The following MSANTD2 variants were observed in gnomAD, a reference collection of about 807,000 sequenced individuals.
MSANTD2 encodes the protein myb/SANT-like DNA-binding domain-containing protein 2.
In MSANTD2, 19 loss-of-function variants were observed where a neutral mutation model predicts 52.6. The observed-to-expected ratio is 0.36, with a 90% confidence interval of 0.25 to 0.53. MSANTD2 has a LOEUF of 0.53. MSANTD2 is among the 20% of genes least tolerant of loss of function. MSANTD2 has a pLI of 0.91. For synonymous variants in MSANTD2, 291 were observed against 289.7 expected (o/e 1.00, Z -0.04); for missense variants, 558 against 716.3 (o/e 0.78, Z 2.52).
rs571077057 is a variant in MSANTD2, at chr11:124,788,043, C to T, written c.510+11828G>A. 2.0e-5 allele frequency among the ~76,000 whole-genome samples: 3 copies of T among 150,890 alleles called. No individual in the cohort carries two copies. In the South Asian group the frequency reaches 6.3e-4, roughly 32 times the overall value. On this transcript the variant is annotated intron_variant, in intron 1 of 3. Coordinates refer to ENST00000374979, the MANE Select transcript of MSANTD2 (RefSeq NM_001308027.2). ...TGGGGAGGTTGAGGTGATCGTGCCA[C>T]CGCACTCTAGCTTGGGCAACAGAGC...
chr11:124,767,417 G>A lies in MSANTD2; in HGVS notation c.1439C>T (p.Ala480Val), dbSNP rs1297906360. 1 of 1,614,204 alleles carries A rather than the reference G, an allele frequency of 6.2e-7. No individual in the cohort carries two copies. Among genetic ancestry groups the A allele is most frequent in the South Asian group, 1.1e-5 (1 of 91,078 alleles). ...GCACTGCTGTAGAGTCCTGACCTCA[G>A]CAATCCCGAGGTAGCAATAGATAAT... ...TRIIYCYLGI[A>V]EVRTLQQCLF... Residue 480 changes from alanine (A) to valine (V), a missense_variant, in exon 4 of 4, where the codon GCT (alanine) becomes GTT (valine). Ala to Val is a moderately conservative substitution (Grantham distance 64). This residue lies in a region of MSANTD2 where 408 missense variants were observed against 573.6 expected (regional missense o/e 0.71). Coordinates refer to ENST00000374979, the MANE Select transcript of MSANTD2 (RefSeq NM_001308027.2). This position sits in a 1 kb window ranked among gnomAD's most constrained non-coding sequence, Gnocchi z 6.5.
At chr11:124,784,430 C>T (rs562281027) in intron 1 of MSANTD2, 1 of 985,380 alleles carries the variant, frequency 1.0e-6, no homozygotes, top group Non-Finnish European at 1.2e-6. Flanking sequence ...TACTCCCAAA[C>T]ACCCTCCACT....
intron 1 of MSANTD2, among the ~76,000 whole-genome samples, chr11:124,785,695 G>T (rs562693482): frequency 1.3e-5 from 2 of 152,162 alleles, no homozygotes; most frequent in African/African-American, 4.8e-5. Flanking sequence ...CAGACAGCTG[G>T]GGGGGGACTA....
Position 124,800,346 on chromosome 11 carries a change from T to G in MSANTD2, c.35A>C (p.Asn12Thr), listed in dbSNP as rs776773361. 80 of 1,551,794 alleles carry G rather than the reference T, an allele frequency of 5.2e-5. No homozygotes were observed. The highest frequency in any genetic ancestry group is 6.9e-5 in the Non-Finnish European group (79 of 1,151,298). ...AAPCGSELPA[N>T]SPLKIPKMEV... ...CATCTTCGGAATTTTTAGCGGCGAG[T>G]TGGCGGGCAGCTCCGAGCCACAGGG... Residue 12 changes from asparagine to threonine, a missense_variant, in exon 1 of 4, where the codon AAC (asparagine) becomes ACC (threonine). Coordinates refer to ENST00000374979, the MANE Select transcript of MSANTD2 (RefSeq NM_001308027.2). This position sits in a 1 kb window ranked among gnomAD's most constrained non-coding sequence, Gnocchi z 4.3.
chr11:124,766,858 T>C lies in MSANTD2; in HGVS notation c.*318A>G, dbSNP rs562484656. 2.8e-5 allele frequency: 6 copies of C among 217,664 alleles called. No individual in the cohort carries two copies. In the East Asian group the frequency reaches 4.0e-4, roughly 15 times the overall value. 13.5% of individuals were successfully genotyped at this position (217,664 alleles called of 1,614,324 possible). ...CTCAAAGTATAAGTTTTGTCCAATA[T>C]GGAATGTACCTACATTTGTTTATAT... On this transcript the variant is annotated 3_prime_UTR_variant, in exon 4 of 4. Coordinates refer to ENST00000374979, the MANE Select transcript of MSANTD2 (RefSeq NM_001308027.2).
chr11:124,785,531 A>T (rs1945130545), intron 1 of MSANTD2, among the ~76,000 whole-genome samples: 2 of 152,214 alleles, frequency 1.3e-5, no homozygotes, highest in South Asian at 4.1e-4. Context: ...TACCGAATTG[A>T]GGCAAGGTTG....
chr11:124,771,703 A>G (rs1367898653), intron 3 of MSANTD2, among the ~76,000 whole-genome samples: 1 of 152,186 alleles, frequency 6.6e-6, no homozygotes, highest in East Asian at 1.9e-4. Flanking sequence ...AGATTGCACC[A>G]CTGCGCTCCA....
At position 124,767,332 on chromosome 11, in the gene MSANTD2, G is replaced by A. The variant is rs375883009; in HGVS notation, c.1524C>T (p.Asn508=). The A allele has an allele frequency of 1.6e-4, 258 of 1,614,160 alleles. 4 individuals are homozygous for A. In the South Asian group the frequency reaches 2.0e-3, roughly 13 times the overall value. Residue 508 remains asparagine (N), a synonymous_variant, in exon 4 of 4, where the codon AAC becomes AAT. Transcript: ENST00000374979. The surrounding 1 kb of genome is among the most constrained non-coding windows in gnomAD (Gnocchi z 6.5). Reference sequence around the variant, plus strand: ...CAATACAGTTCTGAGACAAAAACCCGTTAATACCAACCCAATCTTTGCTGA... The same window carrying A: ...CAATACAGTTCTGAGACAAAAACCCATTAATACCAACCCAATCTTTGCTGA... ...KTFSKDWVGI[N]GFLSQNCIVD...
At chr11:124,776,544 G>A (rs930611391) in intron 1 of MSANTD2, among the ~76,000 whole-genome samples, 10 of 152,314 alleles carry the variant, frequency 6.6e-5, no homozygotes, top group Non-Finnish European at 1.0e-4. Flanking sequence ...TGATCCGCCC[G>A]CCTTGGCCTC....
In MSANTD2 at chr11:124,766,898, C is replaced by G. The variant is rs1944319274; in HGVS notation, c.*278G>C. On this transcript the variant is annotated 3_prime_UTR_variant, in exon 4 of 4. Transcript: ENST00000374979. ...TTTGTTTATATTAGGGCTCTAAAATCCATTTAAAAATTGTTTTTCTGTTTT... is the reference window on the plus strand; with the variant it reads ...TTTGTTTATATTAGGGCTCTAAAATGCATTTAAAAATTGTTTTTCTGTTTT... 1 of 299,468 alleles carries G rather than the reference C, an allele frequency of 3.3e-6. No individual in the cohort carries two copies. Among genetic ancestry groups the G allele is most frequent in the Admixed American group, 4.6e-5 (1 of 21,784 alleles). 18.6% of individuals were successfully genotyped at this position (299,468 alleles called of 1,614,324 possible). A position where few individuals can be genotyped will look rare whatever the true frequency, so the allele number is the denominator to read the frequency against.
At chr11:124,770,620 T>C (rs1157902817) in intron 3 of MSANTD2, among the ~76,000 whole-genome samples, 1 of 152,072 alleles carries the variant, frequency 6.6e-6, no homozygotes, top group Non-Finnish European at 1.5e-5. Context: ...CACATTTTTT[T>C]TTCGAGACAG....
chr11:124,767,087 G>A lies in MSANTD2; in HGVS notation c.*89C>T, dbSNP rs993890667. ...AAAGGGTTTCCATGAAGAGTCTGAC[G>A]GCGGCATCTGGATGAGGGGTGGTCC... On this transcript the variant is annotated 3_prime_UTR_variant, in exon 4 of 4. Transcript: ENST00000374979. This position sits in a 1 kb window ranked among gnomAD's most constrained non-coding sequence, Gnocchi z 6.5. The A allele has an allele frequency of 1.1e-5, 14 of 1,292,798 alleles. No individual in the cohort carries two copies. The highest frequency in any genetic ancestry group is 2.7e-4 in the Middle Eastern group (1 of 3,644). The allele number at this position is 1,292,798 out of a possible 1,614,324, so 80.1% of individuals were successfully genotyped here. A position where few individuals can be genotyped will look rare whatever the true frequency, so the allele number is the denominator to read the frequency against.
chr11:124,799,794 G>A (rs1372717367), intron 1 of MSANTD2, 77 bp downstream of exon 1: 38 of 1,125,546 alleles, frequency 3.4e-5, no homozygotes, highest in East Asian at 2.4e-4. Flanking sequence ...CCCTCAGACC[G>A]GCCCCCGCCC....
chr11:124,768,703 T>C (rs1014146170), intron 3 of MSANTD2, among the ~76,000 whole-genome samples: 2 of 152,218 alleles, frequency 1.3e-5, no homozygotes, highest in Non-Finnish European at 2.9e-5. Context: ...GGAATTCAGA[T>C]GGAAAAGGCT....
At chr11:124,772,200 C>T (rs1338431940) in intron 3 of MSANTD2, among the ~76,000 whole-genome samples, 1 of 152,158 alleles carries the variant, frequency 6.6e-6, no homozygotes, top group Non-Finnish European at 1.5e-5. Context: ...TAAGAGCTTT[C>T]TTTTTGATTC....
At chr11:124,768,529 C>T (rs766524630) in intron 3 of MSANTD2, among the ~76,000 whole-genome samples, 9 of 152,170 alleles carry the variant, frequency 5.9e-5, no homozygotes, top group Admixed American at 1.3e-4. Context: ...TAATTTCTAA[C>T]CTGGAAATTC....
At position 124,767,205 on chromosome 11, in the gene MSANTD2, T is replaced by A; in HGVS notation, c.1651A>T (p.Ile551Phe). 6.2e-7 allele frequency: 1 copy of A among 1,610,620 alleles called. No homozygotes were observed. The highest frequency in any genetic ancestry group is 1.1e-5 in the South Asian group (1 of 90,298). Residue 551 changes from isoleucine to phenylalanine, a missense_variant, in exon 4 of 4, where the codon ATT becomes TTT. Physicochemically the swap from Ile to Phe is conservative, Grantham distance 21. Coordinates refer to ENST00000374979, the MANE Select transcript of MSANTD2 (RefSeq NM_001308027.2). This position sits in a 1 kb window ranked among gnomAD's most constrained non-coding sequence, Gnocchi z 6.5. The part of the protein sequence containing the change: ...GSLVECLEKA[I>F]GYPLKFNN ...TTGTTAAATTTTAAGGGGTATCCAA[T>A]GGCTTTTTCCAGGCACTCAACTAAA...
chr11:124,776,944 CA>C (rs1184573959), intron 1 of MSANTD2, among the ~76,000 whole-genome samples: 1 of 152,134 alleles, frequency 6.6e-6, no homozygotes, highest in Non-Finnish European at 1.5e-5. Flanking sequence ...TTACATAAGA[CA>C]AAACTTTCTA....
rs1455384633 is a variant in MSANTD2, at chr11:124,767,917, C to T, written c.939G>A (p.Leu313=). Residue 313 remains leucine (L), a synonymous_variant, in exon 4 of 4, where the codon CTG becomes CTA. Coordinates refer to ENST00000374979, the MANE Select transcript of MSANTD2 (RefSeq NM_001308027.2). The surrounding 1 kb of genome is among the most constrained non-coding windows in gnomAD (Gnocchi z 6.5). ...DFSRLHLSNK[L]AIFGIGYNTR... ...TGTTATAACCAATTCCAAAAATGGC[C>T]AGTTTATTAGAAAGATGGAGCCTTG... The T allele has an allele frequency of 1.9e-6, 3 of 1,614,126 alleles. No homozygotes were observed. The African/African-American group carries it at 4.0e-5, about 22-fold the overall frequency.
Sources: allele counts gnomAD v4.1 joint callset (sites outside exome capture counted in the v4.1 genomes callset), GRCh38; gene constraint gnomAD v4.1.1; regional missense constraint gnomAD v4.1.1; non-coding constraint Gnocchi (gnomAD v3.1); transcripts MANE v1.5; gene names NCBI Gene and HGNC (gene_info 2026-07-23, HGNC 2026-07-21).